The following LRP1B variants were observed in gnomAD, a reference collection of about 807,000 sequenced individuals.
LRP1B encodes the protein LDL receptor related protein 1B.
LRP1B carries 217 observed loss-of-function variants against 556.6 expected under a neutral mutation model. That is an observed-to-expected ratio of 0.39 (90% CI 0.35 to 0.44). LRP1B has a LOEUF of 0.44. LRP1B is among the 20% of genes least tolerant of loss of function. LRP1B has a pLI of 1.00. For synonymous variants in LRP1B, 2,047 were observed against 1,865.8 expected, an observed-to-expected ratio of 1.10 and a Z score of -2.50; for missense variants, 5,053 against 5,620.8, an observed-to-expected ratio of 0.90 and a Z score of 3.23.
Position 141,229,453 on chromosome 2 carries a change from A to T in LRP1B, c.593-13T>A. The T allele has an allele frequency of 6.6e-7, 1 of 1,504,336 alleles. No individual in the cohort carries two copies. Among genetic ancestry groups the T allele is most frequent in the Non-Finnish European group, 9.1e-7 (1 of 1,099,518 alleles). 93.2% of individuals were successfully genotyped at this position (1,504,336 alleles called of 1,614,324 possible). A position where few individuals can be genotyped will look rare whatever the true frequency, so the allele number is the denominator to read the frequency against. The stretch of plus-strand genomic sequence containing the variant: ...CTATCTGTAGGTTCTGGAATAAAAT[A>T]GAAAAAGAGAAGTAAATTCAGTAAG... On this transcript the variant is annotated splice_polypyrimidine_tract_variant and intron_variant, in intron 5 of 90. Coordinates refer to ENST00000389484, the MANE Select transcript of LRP1B (RefSeq NM_018557.3).
intron 3 of LRP1B, among the ~76,000 whole-genome samples, chr2:141,471,599 A>G (rs1682477016): frequency 6.6e-6 from 1 of 152,196 alleles, no homozygotes; most frequent in Non-Finnish European, 1.5e-5. Flanking sequence ...CACTTGGGAT[A>G]TCTTCTTGCA....
intron 66 of LRP1B, among the ~76,000 whole-genome samples, chr2:140,408,095 A>C (rs796159858): frequency 6.6e-6 from 1 of 152,020 alleles, no homozygotes; most frequent in Non-Finnish European, 1.5e-5. Flanking sequence ...ATCAAATACA[A>C]TATGTTCTCC....
intron 2 of LRP1B, among the ~76,000 whole-genome samples, chr2:141,683,232 T>C (rs572813337): frequency 1.3e-5 from 2 of 152,158 alleles, no homozygotes; most frequent in South Asian, 4.2e-4. Flanking sequence ...GGTGAACAAA[T>C]TTTGAAGAAC....
At chr2:140,949,938 C>CAAAAAA (rs67201185) in intron 20 of LRP1B, among the ~76,000 whole-genome samples, 3 of 14,282 alleles carry the variant, frequency 2.1e-4, no homozygotes, top group Non-Finnish European at 1.2e-4. Context: ...GACTCCGTCT[C>CAAAAAA]AAAAAAAAAA....
chr2:140,813,528 T>G (rs900370459), intron 32 of LRP1B, 129 bp downstream of exon 32: 2 of 736,448 alleles, frequency 2.7e-6, no homozygotes, highest in Non-Finnish European at 4.5e-6. Context: ...GAAAACCTCA[T>G]AGAAGTGTTC....
intron 3 of LRP1B, among the ~76,000 whole-genome samples, chr2:141,328,467 C>T (rs2683863): frequency 0.59 from 89,684 of 152,040 alleles, 27,520 homozygotes; most frequent in African/African-American, 0.71. Context: ...AATCCTTCCA[C>T]AGGATCATAT....
chr2:141,535,794 A>C (rs13007647), intron 2 of LRP1B, among the ~76,000 whole-genome samples: 139,336 of 152,062 alleles, frequency 0.92, 65,055 homozygotes, highest in East Asian at 1. Context: ...GACCCTTCAA[A>C]AGCATCTATT....
At chr2:141,849,152 T>C (rs1697755768) in intron 1 of LRP1B, among the ~76,000 whole-genome samples, 1 of 151,656 alleles carries the variant, frequency 6.6e-6, no homozygotes, top group Non-Finnish European at 1.5e-5. Flanking sequence ...ATTGTTTTAA[T>C]TATTCAGGCT....
At chr2:141,179,222 C>T (rs1386743909) in intron 7 of LRP1B, among the ~76,000 whole-genome samples, 1 of 151,952 alleles carries the variant, frequency 6.6e-6, no homozygotes, top group African/African-American at 2.4e-5. Flanking sequence ...GCTCCAAACA[C>T]TTTAGACAGG....
At chr2:141,122,521 A>G (rs986572760) in intron 7 of LRP1B, among the ~76,000 whole-genome samples, 1 of 152,146 alleles carries the variant, frequency 6.6e-6, no homozygotes, top group African/African-American at 2.4e-5. Flanking sequence ...ACTGGCCATC[A>G]GAGAAATGCA....
chr2:140,503,268 T>C (rs1053128431), intron 53 of LRP1B, among the ~76,000 whole-genome samples, 165 bp from the exon 54 acceptor site: 2 of 152,124 alleles, frequency 1.3e-5, no homozygotes, highest in African/African-American at 4.8e-5. Flanking sequence ...CAAGAGATGT[T>C]TGTGGTTTGG....
intron 17 of LRP1B, among the ~76,000 whole-genome samples, chr2:140,982,480 A>C (rs190093891): frequency 1.1e-3 from 160 of 152,272 alleles, no homozygotes; most frequent in Non-Finnish European, 2.0e-3. Context: ...TTGCCCTTCA[A>C]TTATCAATGA....
intron 2 of LRP1B, among the ~76,000 whole-genome samples, chr2:141,646,699 A>G (rs1689578906): frequency 6.6e-6 from 1 of 152,166 alleles, no homozygotes; most frequent in Admixed American, 6.6e-5. Context: ...AGTAGTACTC[A>G]GGAGAATAGG....
chr2:140,289,687 AAC>A (rs1232546632), intron 84 of LRP1B, among the ~76,000 whole-genome samples: 16 of 151,848 alleles, frequency 1.1e-4, no homozygotes, highest in Non-Finnish European at 2.2e-4. Flanking sequence ...AATGGTCTTC[AAC>A]AAATTTTTAC....
At position 141,161,843 on chromosome 2, in the gene LRP1B, C is replaced by T. The variant is rs189278445; in HGVS notation, c.1013+26578G>A. 9.3e-4 allele frequency among the ~76,000 whole-genome samples: 141 copies of T among 152,172 alleles called. 1 individual carries two copies. The highest frequency in any genetic ancestry group is 1.4e-3 in the Non-Finnish European group (98 of 67,994). On this transcript the variant is annotated intron_variant, in intron 7 of 90. Coordinates refer to ENST00000389484, the MANE Select transcript of LRP1B (RefSeq NM_018557.3). ...CAGCACCCACCTGTGTCTACCCCTA[C>T]GTTGTCCCTTGGGATATGAGAGCAG...
intron 7 of LRP1B, among the ~76,000 whole-genome samples, chr2:141,144,723 G>A (rs1701740780): frequency 6.6e-6 from 1 of 152,080 alleles, no homozygotes; most frequent in African/African-American, 2.4e-5. Context: ...AGCACCGCAA[G>A]GCACCATCAT....
At chr2:141,842,674 A>G (rs1333862928) in intron 1 of LRP1B, among the ~76,000 whole-genome samples, 1 of 152,158 alleles carries the variant, frequency 6.6e-6, no homozygotes, top group Non-Finnish European at 1.5e-5. Flanking sequence ...ACAGCAAATC[A>G]ATAATAAATA....
At chr2:140,790,951 T>C (rs1032896799) in intron 32 of LRP1B, among the ~76,000 whole-genome samples, 8 of 151,126 alleles carry the variant, frequency 5.3e-5, no homozygotes, top group Non-Finnish European at 1.2e-4. Flanking sequence ...TTTTTTTTTT[T>C]TTTTTTTTAA....
intron 3 of LRP1B, among the ~76,000 whole-genome samples, chr2:141,365,655 C>CTTTTTTTTTTTTTTTGGTTTTT (rs1334896367): frequency 8.3e-6 from 1 of 121,150 alleles, no homozygotes; most frequent in African/African-American, 3.2e-5. Flanking sequence ...GTTTTTGTTG[C>CTTTTTTTTTTTTTTTGGTTTTT]TTTTTTTTTT....
Sources: allele counts gnomAD v4.1 joint callset (sites outside exome capture counted in the v4.1 genomes callset), GRCh38; gene constraint gnomAD v4.1.1; transcripts MANE v1.5; gene names NCBI Gene and HGNC (gene_info 2026-07-23, HGNC 2026-07-21).